TAFA2: variants seen among roughly 807,000 people sequenced by gnomAD.
TAFA2 encodes the protein TAFA chemokine like family member 2, also known as chemokine-like protein TAFA-2.
TAFA2 carries 7 observed loss-of-function variants against 18.8 expected under a neutral mutation model. The observed-to-expected ratio is 0.37, with a 90% CI of 0.21 to 0.70. The LOEUF is 0.70. TAFA2 is among the 30% of genes least tolerant of loss of function. TAFA2 has a pLI of 0.53. For synonymous variants in TAFA2, 60 were observed against 54.2 expected (o/e 1.11, Z -0.47); for missense variants, 122 against 158.1 (o/e 0.77, Z 1.23).
At chr12:62,032,670 T>A (rs1320148038) in intron 1 of TAFA2, among the ~76,000 whole-genome samples, 1 of 148,716 alleles carries the variant, frequency 6.7e-6, no homozygotes, top group African/African-American at 2.5e-5. Context: ...TCTTGATGCA[T>A]TAATTAAAAA....
chr12:62,022,136 C>A, intron 1 of TAFA2: 2 of 444,258 alleles, frequency 4.5e-6, no homozygotes, highest in South Asian at 2.1e-5. Flanking sequence ...ATTCTGTGTT[C>A]TGGTGGCTAA....
At chr12:61,797,307 A>C (rs1161368647) in intron 2 of TAFA2, among the ~76,000 whole-genome samples, 1 of 152,178 alleles carries the variant, frequency 6.6e-6, no homozygotes, top group Non-Finnish European at 1.5e-5. Context: ...ACTGCCAGCT[A>C]CCAGTAACAG....
rs888307223 is a variant in TAFA2, at chr12:62,245,879, C to T, written c.-130+12884G>A. ...TTATTCTGTTGTACTTTTTTCAACA[C>T]CTTAAGATAAAATTTTAGCTCATTA... is the stretch of plus-strand genomic sequence containing the variant. On this transcript the variant is annotated intron_variant, in intron 1 of 5. Transcript: ENST00000551619. 1.3e-4 allele frequency among the ~76,000 whole-genome samples: 19 copies of T among 150,136 alleles called. No individual in the cohort carries two copies. The Middle Eastern group carries it at 0.021, about 169-fold the overall frequency.
chr12:62,073,050 G>A (rs1882673615), intron 1 of TAFA2, among the ~76,000 whole-genome samples: 1 of 152,228 alleles, frequency 6.6e-6, no homozygotes, highest in Admixed American at 6.5e-5. Flanking sequence ...ACAGAGGACA[G>A]AGCAAGAGCT....
At chr12:62,113,159 G>T (rs188774610) in intron 1 of TAFA2, among the ~76,000 whole-genome samples, 1 of 152,180 alleles carries the variant, frequency 6.6e-6, no homozygotes, top group Non-Finnish European at 1.5e-5. Flanking sequence ...TCTTCGGATC[G>T]GGTGTTTGTG....
chr12:62,118,888 A>T (rs1565750670), intron 1 of TAFA2, among the ~76,000 whole-genome samples: 1 of 152,172 alleles, frequency 6.6e-6, no homozygotes, highest in Non-Finnish European at 1.5e-5. Flanking sequence ...AGTTTGTGAC[A>T]GTACTTCTCA....
chr12:62,081,546 G>A (rs1443476235), intron 1 of TAFA2, among the ~76,000 whole-genome samples: 3 of 151,840 alleles, frequency 2.0e-5, no homozygotes, highest in Non-Finnish European at 4.4e-5. Context: ...GTACGGTGGT[G>A]CAATCTCGAC....
At chr12:62,229,946 G>T (rs1240321010) in intron 1 of TAFA2, among the ~76,000 whole-genome samples, 7 of 151,756 alleles carry the variant, frequency 4.6e-5, no homozygotes, top group African/African-American at 1.5e-4. Context: ...TTTCTTCATG[G>T]TTCAATGTTA....
At chr12:61,941,920 G>C (rs1325262471) in intron 1 of TAFA2, among the ~76,000 whole-genome samples, 1 of 151,972 alleles carries the variant, frequency 6.6e-6, no homozygotes, top group Non-Finnish European at 1.5e-5. Context: ...AAACAAAGCA[G>C]CCTGGAAGCT....
At chr12:61,758,070 CG>C (rs1196125092) in intron 2 of TAFA2, among the ~76,000 whole-genome samples, 3 of 151,938 alleles carry the variant, frequency 2.0e-5, no homozygotes, top group African/African-American at 4.8e-5. Flanking sequence ...ACTGCCTCCC[CG>C]TAGCAGGCAC....
At position 62,116,320 on chromosome 12, in the gene TAFA2, A is replaced by G. The variant is rs746793387; in HGVS notation, c.-2+74939T>C. 1.4e-3 allele frequency among the ~76,000 whole-genome samples: 207 copies of G among 152,320 alleles called. 1 individual carries two copies. In the Middle Eastern group the frequency reaches 0.031, roughly 23 times the overall value. ...GAAAGCCTGTGTGAGAGCCAGGGAG[A>G]AAACACAGTAAGACCTTGTGGACAG... On this transcript the variant is annotated intron_variant, in intron 1 of 4. Coordinates refer to ENST00000416284, the MANE Select transcript of TAFA2 (RefSeq NM_178539.5).
rs1315497643 is a variant in TAFA2, at chr12:61,808,458, T to C, written c.107-53434A>G. On this transcript the variant is annotated intron_variant, in intron 2 of 4. Coordinates refer to ENST00000416284, the MANE Select transcript of TAFA2 (RefSeq NM_178539.5). ...AATACAGTACATAATTGTACATGTG[T>C]GTATGTGGTACATCCCCCACCTCAT... 2.0e-5 allele frequency among the ~76,000 whole-genome samples: 3 copies of C among 151,454 alleles called. 1 individual carries two copies. Among genetic ancestry groups the C allele is most frequent in the Admixed American group, 1.3e-4 (2 of 15,252 alleles).
intron 1 of TAFA2, among the ~76,000 whole-genome samples, chr12:62,051,772 T>G (rs1255437075): frequency 1.3e-5 from 2 of 151,832 alleles, no homozygotes; most frequent in Non-Finnish European, 2.9e-5. Context: ...TGGATTACAT[T>G]AAATTGAAGT....
At chr12:62,079,345 C>T (rs368246124) in intron 1 of TAFA2, among the ~76,000 whole-genome samples, 1 of 152,018 alleles carries the variant, frequency 6.6e-6, no homozygotes, top group African/African-American at 2.4e-5. Flanking sequence ...GTAGACAACA[C>T]TGTGGCTTGA....
intron 1 of TAFA2, among the ~76,000 whole-genome samples, chr12:62,031,514 AAC>A (rs749251713): frequency 6.6e-6 from 1 of 151,630 alleles, no homozygotes; most frequent in Non-Finnish European, 1.5e-5. Flanking sequence ...GAGACACACA[AAC>A]ACACACACAC....
chr12:62,234,202 T>C (rs1467641507), intron 1 of TAFA2, among the ~76,000 whole-genome samples: 3 of 152,182 alleles, frequency 2.0e-5, no homozygotes, highest in Non-Finnish European at 4.4e-5. Flanking sequence ...GAGAAGTCTT[T>C]CTTCCCTGAC....
chr12:62,152,682 T>C (rs1411929297), intron 1 of TAFA2, among the ~76,000 whole-genome samples: 1 of 152,224 alleles, frequency 6.6e-6, no homozygotes. Flanking sequence ...TTTAGGCTAG[T>C]TGTACACAGC....
At chr12:62,173,003 T>A (rs747632866) in intron 1 of TAFA2, among the ~76,000 whole-genome samples, 1 of 152,184 alleles carries the variant, frequency 6.6e-6, no homozygotes, top group African/African-American at 2.4e-5. Context: ...TGGGTCTTTG[T>A]GAGGAATACA....
At chr12:61,934,479 G>A (rs1877685200) in intron 1 of TAFA2, among the ~76,000 whole-genome samples, 1 of 152,208 alleles carries the variant, frequency 6.6e-6, no homozygotes, top group Non-Finnish European at 1.5e-5. Flanking sequence ...TTAATGTTGA[G>A]TCCAAACATC....
Sources: allele counts gnomAD v4.1 joint callset (sites outside exome capture counted in the v4.1 genomes callset), GRCh38; gene constraint gnomAD v4.1.1; transcripts MANE v1.5; gene names NCBI Gene and HGNC (gene_info 2026-07-23, HGNC 2026-07-21).